Variants in GPHN observed in about 807,000 individuals in gnomAD.
GPHN encodes the protein gephyrin.
A neutral mutation model predicts 95.5 loss-of-function variants in GPHN; 17 were observed. The observed-to-expected ratio is 0.18, with a 90% CI of 0.12 to 0.27. The LOEUF (loss-of-function observed/expected upper bound fraction) is 0.27. GPHN is among the 10% of genes least tolerant of loss of function. The pLI is 1.00. For missense variants in GPHN, 660 were observed against 978.1 expected, an observed-to-expected ratio of 0.67 and a Z score of 4.34; for synonymous variants, 320 against 322.5, an observed-to-expected ratio of 0.99 and a Z score of 0.08.
At chr14:66,893,934 C>T (rs1382617903) in intron 5 of GPHN, among the ~76,000 whole-genome samples, 6 of 152,138 alleles carry the variant, frequency 3.9e-5, no homozygotes, top group Admixed American at 3.9e-4. Context: ...AATGGCCATA[C>T]TGCCCAAGGT....
At chr14:67,086,842 T>C (rs1194931914) in intron 11 of GPHN, among the ~76,000 whole-genome samples, 1 of 150,756 alleles carries the variant, frequency 6.6e-6, no homozygotes. Context: ...ATCGAGACCA[T>C]CCTGGATAAC....
the GPHN span, chr14:67,690,805 A>G: frequency 7.5e-5 from 28 of 374,300 alleles, no homozygotes; most frequent in Non-Finnish European, 1.2e-4. Flanking sequence ...CAACATAGCA[A>G]GACCCTGTCT....
intron 11 of GPHN, among the ~76,000 whole-genome samples, chr14:67,087,208 C>A (rs1261283807): frequency 1.3e-5 from 2 of 152,146 alleles, no homozygotes; most frequent in Non-Finnish European, 2.9e-5. Context: ...CTTGTGCTAT[C>A]TCTGATAATT....
the GPHN span, among the ~76,000 whole-genome samples, chr14:67,547,518 G>A: frequency 2.4e-4 from 37 of 152,288 alleles, no homozygotes; most frequent in South Asian, 2.5e-3. Flanking sequence ...GCACTGGGAG[G>A]AGCCATGTCA....
At chr14:66,643,636 A>G (rs913026226) in intron 1 of GPHN, among the ~76,000 whole-genome samples, 5 of 152,024 alleles carry the variant, frequency 3.3e-5, no homozygotes, top group African/African-American at 1.2e-4. Context: ...AGGAATGCCT[A>G]TGGTATGATT....
the GPHN span, chr14:67,336,455 A>G: frequency 1.4e-5 from 3 of 213,146 alleles, no homozygotes; most frequent in East Asian, 1.3e-4. Context: ...GTATTTTAAC[A>G]AGGCCAATAC....
At chr14:67,250,499 A>G in the GPHN span, among the ~76,000 whole-genome samples, 12 of 152,224 alleles carry the variant, frequency 7.9e-5, no homozygotes, top group African/African-American at 2.7e-4. Flanking sequence ...TGTACTGGAC[A>G]TGCAGATTTA....
the GPHN span, chr14:67,383,474 C>G: frequency 6.2e-7 from 1 of 1,609,296 alleles, no homozygotes; most frequent in Non-Finnish European, 8.5e-7. Context: ...TTAAGGAACA[C>G]AGAGCAGCGC....
At chr14:67,354,847 CTT>C in the GPHN span, among the ~76,000 whole-genome samples, 4 of 152,162 alleles carry the variant, frequency 2.6e-5, no homozygotes, top group Admixed American at 6.6e-5. Context: ...AAGTTTCACT[CTT>C]GTTGCCCAGG....
the GPHN span, among the ~76,000 whole-genome samples, chr14:67,391,802 G>A: frequency 6.6e-6 from 1 of 152,222 alleles, no homozygotes; most frequent in South Asian, 2.1e-4. Context: ...CCCAAACACG[G>A]TTTAGGAGTA....
chr14:67,442,344 G>T, the GPHN span, among the ~76,000 whole-genome samples: 1 of 152,118 alleles, frequency 6.6e-6, no homozygotes, highest in Non-Finnish European at 1.5e-5. Flanking sequence ...TGGCCAGAAT[G>T]GTGTTTCTAC....
the GPHN span, among the ~76,000 whole-genome samples, chr14:67,375,920 T>C: frequency 6.6e-6 from 1 of 152,220 alleles, no homozygotes; most frequent in Non-Finnish European, 1.5e-5. Flanking sequence ...GGAAGAGTTA[T>C]TCAGTGTCAG....
intron 1 of GPHN, among the ~76,000 whole-genome samples, chr14:66,649,181 G>A (rs1302305948): frequency 2.0e-5 from 3 of 152,006 alleles, no homozygotes; most frequent in Admixed American, 1.3e-4. Context: ...AAATACAATC[G>A]AAATTAGCAG....
intron 1 of GPHN, among the ~76,000 whole-genome samples, chr14:66,649,227 G>A (rs1160775563): frequency 2.0e-5 from 3 of 152,016 alleles, no homozygotes; most frequent in Non-Finnish European, 2.9e-5. Flanking sequence ...CCAGCTACTC[G>A]GGAGGATGAG....
At chr14:66,733,549 G>A (rs532528633) in intron 2 of GPHN, among the ~76,000 whole-genome samples, 4 of 152,052 alleles carry the variant, frequency 2.6e-5, no homozygotes, top group South Asian at 2.1e-4. Flanking sequence ...TCTTATGCTA[G>A]TTTCTCTTCA....
At chr14:66,602,251 A>G (rs2062286439) in intron 1 of GPHN, among the ~76,000 whole-genome samples, 1 of 151,978 alleles carries the variant, frequency 6.6e-6, no homozygotes, top group Non-Finnish European at 1.5e-5. Flanking sequence ...TCAGTGCAAC[A>G]CTGTGAGAGT....
chr14:66,929,143 C>T (rs1388798470), intron 8 of GPHN, among the ~76,000 whole-genome samples: 3 of 151,480 alleles, frequency 2.0e-5, no homozygotes, highest in Non-Finnish European at 4.4e-5. Context: ...GCAACCTCTA[C>T]CTCCAAGGTT....
At chr14:67,196,305 C>G in the GPHN span, among the ~76,000 whole-genome samples, 4 of 151,884 alleles carry the variant, frequency 2.6e-5, no homozygotes, top group African/African-American at 9.7e-5. Context: ...CAACCTCCAC[C>G]TCTCATGTTC....
chr14:67,647,632 A>G, the GPHN span: 1 of 158,330 alleles, frequency 6.3e-6, no homozygotes, highest in Non-Finnish European at 1.4e-5. Flanking sequence ...AGAGAATAAG[A>G]GCAACCATAA....
Sources: allele counts gnomAD v4.1 joint callset (sites outside exome capture counted in the v4.1 genomes callset), GRCh38; gene constraint gnomAD v4.1.1; transcripts MANE v1.5; gene names NCBI Gene and HGNC (gene_info 2026-07-23, HGNC 2026-07-21).